The following CADPS2 variants were observed in gnomAD, a reference collection of about 807,000 sequenced individuals.
CADPS2 encodes the protein calcium dependent secretion activator 2.
A neutral mutation model predicts 172.5 loss-of-function variants in CADPS2; 93 were observed. The ratio of observed to expected loss-of-function variants is 0.54; its 90% CI spans 0.46 to 0.64. The LOEUF (loss-of-function observed/expected upper bound fraction) is 0.64, where lower values mean the gene tolerates loss of function less well. Among genes scored for constraint, CADPS2 ranks in the 30% least tolerant of loss-of-function variants. CADPS2 has a pLI of 0.00. For missense variants in CADPS2, 1,420 were observed against 1,565.9 expected, an observed-to-expected ratio of 0.91 and a Z score of 1.57; for synonymous variants, 546 against 555.2, an observed-to-expected ratio of 0.98 and a Z score of 0.23.
At chr7:122,395,761 C>T (rs954190760) in intron 20 of CADPS2, among the ~76,000 whole-genome samples, 1 of 151,926 alleles carries the variant, frequency 6.6e-6, no homozygotes, top group African/African-American at 2.4e-5. Context: ...CTATATGTGC[C>T]TTATCTCATT....
intron 1 of CADPS2, among the ~76,000 whole-genome samples, chr7:122,783,207 AC>A (rs1273464889): frequency 6.6e-5 from 10 of 151,514 alleles, no homozygotes; most frequent in Non-Finnish European, 1.2e-4. Context: ...AAAAAAAAAA[AC>A]AAAAACAAAA....
intron 6 of CADPS2, among the ~76,000 whole-genome samples, chr7:122,596,269 A>G (rs545505603): frequency 3.9e-4 from 60 of 152,232 alleles, no homozygotes; most frequent in African/African-American, 1.4e-3. Context: ...TTTGATCCTC[A>G]TAACAGGAGC....
rs1444085033 is a variant in CADPS2, at chr7:122,850,151, G to GT, written c.339+35847dup. 2.3e-5 allele frequency: 27 copies of GT among 1,153,582 alleles called. No homozygotes were observed. The East Asian group carries it at 7.3e-4, about 31-fold the overall frequency. 71.5% of individuals were successfully genotyped at this position (1,153,582 alleles called of 1,614,324 possible). A position where few individuals can be genotyped will look rare whatever the true frequency, so the allele number is the denominator to read the frequency against. Reference sequence around the variant, plus strand: ...AGTTTTAGCAACTGCTGAACAGGGCGTATCTGTGGCTTCCCACACAACTAA... The same window carrying GT: ...AGTTTTAGCAACTGCTGAACAGGGCGTTATCTGTGGCTTCCCACACAACTAA... On this transcript the variant is annotated intron_variant, in intron 1 of 29. Coordinates refer to ENST00000449022, the MANE Select transcript of CADPS2 (RefSeq NM_017954.11).
At chr7:122,476,286 G>T (rs1436439959) in intron 12 of CADPS2, among the ~76,000 whole-genome samples, 3 of 151,712 alleles carry the variant, frequency 2.0e-5, no homozygotes, top group African/African-American at 7.3e-5. Context: ...TAAAAATAAT[G>T]CCCATTAATG....
At chr7:122,373,394 G>C (rs892031544) in intron 25 of CADPS2, among the ~76,000 whole-genome samples, 12 of 152,096 alleles carry the variant, frequency 7.9e-5, no homozygotes, top group African/African-American at 1.2e-4. Flanking sequence ...ACAGTTCTCA[G>C]GTAATTTTTT....
intron 9 of CADPS2, among the ~76,000 whole-genome samples, chr7:122,506,247 T>C (rs2059598683): frequency 6.6e-6 from 1 of 152,144 alleles, no homozygotes; most frequent in South Asian, 2.1e-4. Context: ...GCTTATATAA[T>C]TTACTAAATT....
intron 1 of CADPS2, among the ~76,000 whole-genome samples, chr7:122,826,118 G>T (rs571277178): frequency 6.6e-6 from 1 of 152,122 alleles, no homozygotes; most frequent in South Asian, 2.1e-4. Flanking sequence ...TAGGCCTAGT[G>T]GAGAGTAGCG....
intron 17 of CADPS2, among the ~76,000 whole-genome samples, chr7:122,427,609 C>A (rs2049330661): frequency 6.6e-6 from 1 of 152,110 alleles, no homozygotes; most frequent in Non-Finnish European, 1.5e-5. Flanking sequence ...GATTTGTCTC[C>A]CATGTTTGCT....
chr7:122,715,716 A>G (rs567901843), intron 2 of CADPS2, among the ~76,000 whole-genome samples: 1 of 152,190 alleles, frequency 6.6e-6, no homozygotes, highest in East Asian at 1.9e-4. Flanking sequence ...CAAAGAAAAA[A>G]AAAAAGCCAA....
chr7:122,336,124 A>C (rs1180059390), intron 28 of CADPS2, among the ~76,000 whole-genome samples: 2 of 152,212 alleles, frequency 1.3e-5, no homozygotes, highest in African/African-American at 2.4e-5. Context: ...TATTTTATAT[A>C]TAGTTTCCTG....
intron 22 of CADPS2, among the ~76,000 whole-genome samples, chr7:122,392,426 T>A (rs1255051839): frequency 6.6e-6 from 1 of 151,984 alleles, no homozygotes; most frequent in Non-Finnish European, 1.5e-5. Flanking sequence ...ACATCTTTCA[T>A]TTAGGTGTCA....
At chr7:122,821,546 T>A (rs190065531) in intron 1 of CADPS2, among the ~76,000 whole-genome samples, 1 of 152,132 alleles carries the variant, frequency 6.6e-6, no homozygotes, top group South Asian at 2.1e-4. Flanking sequence ...TTTCACTGGA[T>A]AGGTAGAGGC....
intron 20 of CADPS2, among the ~76,000 whole-genome samples, chr7:122,401,225 T>C (rs1339375175): frequency 6.6e-6 from 1 of 152,084 alleles, no homozygotes; most frequent in Non-Finnish European, 1.5e-5. Context: ...ACATTTATTA[T>C]TCGTTTAGGC....
rs570490422 is a variant in CADPS2, at chr7:122,334,176, T to G, written c.3613-8595A>C. The stretch of plus-strand genomic sequence containing the variant: ...GAAAGTACTATAAATTGATAAACTT[T>G]CATATCTATGTACATATATGAGAAT... On this transcript the variant is annotated intron_variant, in intron 28 of 29. Transcript: ENST00000449022. Among the ~76,000 whole-genome samples the G allele has an allele frequency of 4.6e-5, 7 of 152,234 alleles. No homozygotes were observed. The South Asian group carries it at 1.5e-3, about 32-fold the overall frequency.
chr7:122,636,680 G>A (rs1372373454), intron 3 of CADPS2, among the ~76,000 whole-genome samples: 6 of 152,056 alleles, frequency 3.9e-5, no homozygotes, highest in Admixed American at 3.9e-4. Flanking sequence ...TGACCAGACT[G>A]GTCTCGAACT....
chr7:122,855,338 A>T (rs1008081615), intron 1 of CADPS2, among the ~76,000 whole-genome samples: 4 of 152,348 alleles, frequency 2.6e-5, no homozygotes. Flanking sequence ...ATAGCAATCC[A>T]TTACCTGATA....
rs78882463 is a variant in CADPS2 at position 122,556,416 on chromosome 7, A to C, written c.1336-1727T>G. On this transcript the variant is annotated intron_variant, in intron 7 of 29. Coordinates refer to ENST00000449022, the MANE Select transcript of CADPS2 (RefSeq NM_017954.11). Reference sequence around the variant, plus strand: ...CCATCCCCCACACCAACTTTAAAAAAATTATTTGGCATGAGCCACTTACAG... The same window carrying C: ...CCATCCCCCACACCAACTTTAAAAACATTATTTGGCATGAGCCACTTACAG... Among the ~76,000 whole-genome samples, 473 of 152,274 alleles carry C rather than the reference A, an allele frequency of 3.1e-3. 5 individuals carry two copies. The highest frequency in any genetic ancestry group is 0.011 in the African/African-American group (450 of 41,570).
intron 3 of CADPS2, among the ~76,000 whole-genome samples, chr7:122,640,626 ATAAAAAT>A: frequency 6.6e-6 from 1 of 152,128 alleles, no homozygotes; most frequent in East Asian, 1.9e-4. Context: ...AAAATAAAAA[ATAAAAAT>A]AAAAAAAAAT....
In CADPS2 at chr7:122,724,456, T is replaced by A. The variant is rs73220302; in HGVS notation, c.453+12499A>T. 8.2e-3 allele frequency among the ~76,000 whole-genome samples: 1,241 copies of A among 152,168 alleles called. 6 individuals carry two copies. Among genetic ancestry groups the A allele is most frequent in the Middle Eastern group, 0.017 (5 of 294 alleles). On this transcript the variant is annotated intron_variant, in intron 2 of 29. Coordinates refer to ENST00000449022, the MANE Select transcript of CADPS2 (RefSeq NM_017954.11). The stretch of plus-strand genomic sequence containing the variant: ...TCACAAAGCAGTACACATGATAATA[T>A]AAATTAAGTGCTGAATTGTGCAAAA...
Sources: gnomAD v4.1 joint callset for allele counts (sites outside exome capture counted in the v4.1 genomes callset) on GRCh38, gnomAD v4.1.1 for gene constraint, MANE v1.5 for transcripts, NCBI Gene and HGNC (gene_info 2026-07-23, HGNC 2026-07-21) for gene names.